THOC5: variants seen among roughly 807,000 people sequenced by gnomAD.
THOC5 encodes the protein Fms-interacting protein.
Under a neutral mutation model 92.9 loss-of-function variants are expected in THOC5, and 43 were observed. The observed-to-expected ratio is 0.46, with a 90% CI of 0.36 to 0.60. The LOEUF is 0.60. Among genes scored for constraint, THOC5 ranks in the 20% least tolerant of loss-of-function variants. THOC5 has a pLI of 0.00. For missense variants in THOC5, 659 were observed against 849.4 expected (o/e 0.78, Z 2.79); for synonymous variants, 296 against 320.1 (o/e 0.92, Z 0.80).
chr22:29,513,211 G>A (rs1240107691), intron 17 of THOC5, among the ~76,000 whole-genome samples: 2 of 152,068 alleles, frequency 1.3e-5, no homozygotes, highest in African/African-American at 4.8e-5. Context: ...TTAGCTGGGC[G>A]TGGTGGTGGG....
chr22:29,515,193 C>T (rs951175982), intron 17 of THOC5, among the ~76,000 whole-genome samples: 3 of 151,614 alleles, frequency 2.0e-5, no homozygotes, highest in African/African-American at 7.3e-5. Flanking sequence ...AGGTGCATGC[C>T]ACCATGCCCA....
At chr22:29,553,008 G>C (rs1000650477) in intron 1 of THOC5, among the ~76,000 whole-genome samples, 1 of 152,134 alleles carries the variant, frequency 6.6e-6, no homozygotes, top group Non-Finnish European at 1.5e-5. Context: ...GGCGGGGCAA[G>C]ATGTGCTTTG....
intron 12 of THOC5, among the ~76,000 whole-genome samples, chr22:29,523,942 C>T (rs2063494244): frequency 6.6e-6 from 1 of 152,168 alleles, no homozygotes. Flanking sequence ...CAAAGGCAGC[C>T]TGTATTTGAG....
intron 2 of THOC5, among the ~76,000 whole-genome samples, chr22:29,545,813 A>G (rs1387237412): frequency 6.6e-6 from 1 of 152,140 alleles, no homozygotes; most frequent in African/African-American, 2.4e-5. Flanking sequence ...TGCATGGTGC[A>G]AGCCGTTCGT....
At chr22:29,553,021 A>C (rs2064206647) in intron 1 of THOC5, among the ~76,000 whole-genome samples, 2 of 152,130 alleles carry the variant, frequency 1.3e-5, no homozygotes, top group Admixed American at 1.3e-4. Flanking sequence ...GTGCTTTGTT[A>C]AACAGAAGCT....
chr22:29,508,104 T>TG lies in THOC5; in HGVS notation c.*352_*353insC, dbSNP rs2063155264. 1 of 210,894 alleles carries TG rather than the reference T, an allele frequency of 4.7e-6. No homozygotes were observed. The highest frequency in any genetic ancestry group is 2.3e-5 in the African/African-American group (1 of 43,202). The allele number at this position is 210,894 out of a possible 1,614,324, so 13.1% of individuals were successfully genotyped here. A position where few individuals can be genotyped will look rare whatever the true frequency, so the allele number is the denominator to read the frequency against. ...TCTTAACAGCAGGAACTTGGGATAA[T>TG]AAATACAAGATCATGAGGACCTCAC... On this transcript the variant is annotated 3_prime_UTR_variant, in exon 20 of 20. Transcript: ENST00000490103.
chr22:29,513,079 G>A (rs941422133), intron 17 of THOC5, among the ~76,000 whole-genome samples: 4 of 152,090 alleles, frequency 2.6e-5, no homozygotes, highest in Non-Finnish European at 5.9e-5. Flanking sequence ...TGGCTGGCGC[G>A]GTGGCTCACG....
At chr22:29,541,710 T>C (rs2063887894) in intron 5 of THOC5, among the ~76,000 whole-genome samples, 1 of 144,632 alleles carries the variant, frequency 6.9e-6, no homozygotes, top group Admixed American at 6.9e-5. Context: ...AAACACGAAA[T>C]ATTAGCCGGG....
In THOC5 at chr22:29,551,519, G is replaced by C. The variant is rs544428164; in HGVS notation, c.-12+2152C>G. Among the ~76,000 whole-genome samples, 195 of 152,262 alleles carry C rather than the reference G, an allele frequency of 1.3e-3. 4 individuals are homozygous for C. In the South Asian group the frequency reaches 0.038, roughly 30 times the overall value. On this transcript the variant is annotated intron_variant, in intron 1 of 19. Transcript: ENST00000490103. ...CTTTGGGAAACCAAGGCAAGCAGAGGTGAGAGAATCGCTTGAGCCCAGGCG... is the reference window on the plus strand; with the variant it reads ...CTTTGGGAAACCAAGGCAAGCAGAGCTGAGAGAATCGCTTGAGCCCAGGCG...
Position 29,546,843 on chromosome 22 carries a change from C to CTT in THOC5, c.96+2207_96+2208dup, listed in dbSNP as rs112906478. ...GCTTTTAACAGTACCCAAGTCACTT[C>CTT]TTTTTTTTTTTTTTGAGACAAGGTC... On this transcript the variant is annotated intron_variant, in intron 2 of 19. Transcript: ENST00000490103. 5.0e-3 allele frequency among the ~76,000 whole-genome samples: 693 copies of CTT among 138,248 alleles called. 7 individuals are homozygous for CTT. The highest frequency in any genetic ancestry group is 0.035 in the Middle Eastern group (9 of 260). The allele number at this position is 138,248 out of a possible 152,430, so 90.7% of individuals were successfully genotyped here.
Position 29,549,171 on chromosome 22 carries a change from G to A in THOC5, c.-11-13C>T, listed in dbSNP as rs768591528. 1 of 1,610,592 alleles carries A rather than the reference G, an allele frequency of 6.2e-7. No individual in the cohort carries two copies. Among genetic ancestry groups the A allele is most frequent in the Non-Finnish European group, 8.5e-7 (1 of 1,177,020 alleles). On this transcript the variant is annotated splice_polypyrimidine_tract_variant and intron_variant, in intron 1 of 19. Transcript: ENST00000490103. ...ATGGTTGTTCCTCCTGTTAAGAGGA[G>A]AAAGTTTTTGAGATTCTTCTGGAGT...
rs367931630 is a variant in THOC5 at position 29,506,864 on chromosome 22, C to T, written c.*1593G>A. ...CTGTGGGTCTATTATATGCAGATTT[C>T]TTTTTTTAAAATTTTTTAGAGATAG... On this transcript the variant is annotated 3_prime_UTR_variant, in exon 20 of 20. Transcript: ENST00000490103. 1 of 135,416 alleles carries T rather than the reference C, an allele frequency of 7.4e-6. No homozygotes were observed. The highest frequency in any genetic ancestry group is 3.3e-5 in the African/African-American group (1 of 30,066). 8.4% of individuals were successfully genotyped at this position (135,416 alleles called of 1,614,324 possible). A position where few individuals can be genotyped will look rare whatever the true frequency, so the allele number is the denominator to read the frequency against.
chr22:29,512,604 C>T (rs2063246651), intron 17 of THOC5, among the ~76,000 whole-genome samples: 1 of 152,158 alleles, frequency 6.6e-6, no homozygotes, highest in Admixed American at 6.5e-5. Context: ...ATTCTGTATA[C>T]TAGCCAACAT....
chr22:29,539,125 A>C (rs1235850686), intron 6 of THOC5, among the ~76,000 whole-genome samples: 7 of 151,590 alleles, frequency 4.6e-5, no homozygotes, highest in African/African-American at 7.3e-5. Context: ...AAAAAAAAAA[A>C]AAAAAACCCT....
At chr22:29,521,499 A>T (rs1029353836) in intron 12 of THOC5, among the ~76,000 whole-genome samples, 2 of 152,198 alleles carry the variant, frequency 1.3e-5, no homozygotes, top group Non-Finnish European at 2.9e-5. Flanking sequence ...CCATGACACC[A>T]TCAGTAGAAA....
chr22:29,535,717 C>G (rs1380174033), intron 7 of THOC5: 4 of 152,140 alleles, frequency 2.6e-5, no homozygotes, highest in Non-Finnish European at 4.4e-5. Context: ...AAAATTTAAC[C>G]ATGCAGAGGC....
chr22:29,536,043 A>G (rs1207110521), intron 7 of THOC5: 1 of 152,258 alleles, frequency 6.6e-6, no homozygotes, highest in Non-Finnish European at 1.5e-5. Context: ...TAAGAAGAAA[A>G]GCAAATTTAT....
Position 29,549,127 on chromosome 22 carries a change from T to C in THOC5, c.21A>G (p.Lys7=). The change falls in exon 2 of 20, where the codon AAA becomes AAG. Residue 7 remains lysine, a synonymous_variant. Coordinates refer to ENST00000490103, the MANE Select transcript of THOC5 (RefSeq NM_003678.5). The stretch of plus-strand genomic sequence containing the variant: ...TTCGGATCACTTTGGGCTTCCGTTT[T>C]TTGCTCGATTCTGATGACATGGTTG... MSSESS[K]KRKPKVIRSD... is the part of the protein sequence containing the mutation. 2 of 1,614,166 alleles carry C rather than the reference T, an allele frequency of 1.2e-6. No homozygotes were observed. Among genetic ancestry groups the C allele is most frequent in the South Asian group, 2.2e-5 (2 of 91,086 alleles).
At chr22:29,533,707 T>C (rs1418877468) in intron 7 of THOC5, among the ~76,000 whole-genome samples, 1 of 152,110 alleles carries the variant, frequency 6.6e-6, no homozygotes. Context: ...CCTAGACCCA[T>C]CACAAGAGGT....
Sources: gnomAD v4.1 joint callset for allele counts (sites outside exome capture counted in the v4.1 genomes callset) on GRCh38, gnomAD v4.1.1 for gene constraint, MANE v1.5 for transcripts, NCBI Gene and HGNC (gene_info 2026-07-23, HGNC 2026-07-21) for gene names.